NAT1: variants seen among roughly 807,000 people sequenced by gnomAD.
NAT1 encodes N-acetyltransferase 1.
For missense variants in NAT1, 400 were observed against 339.2 expected (o/e 1.18, Z -1.41); for synonymous variants, 144 against 122.6 (o/e 1.17, Z -1.16).
chr8:18,173,889 G>A (rs1367206343), intron 2 of NAT1, among the ~76,000 whole-genome samples: 1 of 152,024 alleles, frequency 6.6e-6, no homozygotes, highest in Non-Finnish European at 1.5e-5. Context: ...CCATATTATA[G>A]TTATAGTTTC....
intron 2 of NAT1, among the ~76,000 whole-genome samples, chr8:18,193,464 A>C (rs1803099417): frequency 6.9e-6 from 1 of 145,222 alleles, no homozygotes; most frequent in Non-Finnish European, 1.5e-5. Context: ...CTAAAAAAAA[A>C]AATTTATATA....
chr8:18,197,382 T>C (rs1370525321), intron 2 of NAT1, among the ~76,000 whole-genome samples: 1 of 152,198 alleles, frequency 6.6e-6, no homozygotes, highest in Non-Finnish European at 1.5e-5. Context: ...GTAGGCTTCT[T>C]GGTCTAATTC....
intron 1 of NAT1, chr8:18,212,909 G>C (rs918940096): frequency 3.5e-5 from 5 of 143,844 alleles, no homozygotes; most frequent in Non-Finnish European, 4.6e-5. Flanking sequence ...AACCAATAGG[G>C]TTTTTTTTTT....
intron 2 of NAT1, among the ~76,000 whole-genome samples, chr8:18,175,226 AAAAATCT>A (rs1485546574): frequency 2.0e-5 from 3 of 152,010 alleles, no homozygotes; most frequent in African/African-American, 7.2e-5. Context: ...TGAGAATGTT[AAAAATCT>A]ATTCTTTTTA....
intron 2 of NAT1, among the ~76,000 whole-genome samples, chr8:18,175,677 G>C (rs1392134648): frequency 1.3e-5 from 2 of 152,066 alleles, no homozygotes; most frequent in African/African-American, 4.8e-5. Context: ...ATGAACATGG[G>C]AGTACAGACA....
chr8:18,173,536 G>A (rs956039753), intron 2 of NAT1, among the ~76,000 whole-genome samples: 13 of 152,130 alleles, frequency 8.5e-5, no homozygotes, highest in South Asian at 2.1e-4. Context: ...AACTGGGATG[G>A]CAATTGCAGA....
intron 2 of NAT1, among the ~76,000 whole-genome samples, chr8:18,173,397 A>G (rs111247663): frequency 1.2e-4 from 18 of 152,238 alleles, no homozygotes; most frequent in African/African-American, 4.1e-4. Flanking sequence ...ATGTTCTTTT[A>G]TCATCCTGTT....
At chr8:18,181,721 A>G (rs992294645) in intron 2 of NAT1, among the ~76,000 whole-genome samples, 5 of 152,116 alleles carry the variant, frequency 3.3e-5, no homozygotes, top group South Asian at 4.1e-4. Flanking sequence ...GTTGTCATAT[A>G]TAGCCTTTAT....
intron 1 of NAT1, among the ~76,000 whole-genome samples, chr8:18,213,685 T>G (rs1227666717): frequency 6.6e-6 from 1 of 152,174 alleles, no homozygotes; most frequent in Non-Finnish European, 1.5e-5. Flanking sequence ...TTGCTATCTG[T>G]TCTAATAAAC....
intron 1 of NAT1, 72 bp from the exon 2 acceptor site, chr8:18,219,339 C>T: frequency 9.8e-7 from 1 of 1,022,094 alleles, no homozygotes; most frequent in East Asian, 2.6e-5. Flanking sequence ...AATTTACGGT[C>T]TACAAAACTA....
chr8:18,215,662 G>A (rs1207591030), intron 1 of NAT1, among the ~76,000 whole-genome samples: 1 of 151,580 alleles, frequency 6.6e-6, no homozygotes, highest in South Asian at 2.1e-4. Flanking sequence ...ATTGGTTGTG[G>A]TTTTTTTGTA....
At chr8:18,194,691 G>T (rs1243312386) in intron 2 of NAT1, among the ~76,000 whole-genome samples, 1 of 151,866 alleles carries the variant, frequency 6.6e-6, no homozygotes, top group African/African-American at 2.4e-5. Context: ...ATGGTGGCAG[G>T]TACCTGCAAT....
chr8:18,220,020 C>A (rs1327542524), intron 2 of NAT1, among the ~76,000 whole-genome samples: 6 of 152,074 alleles, frequency 3.9e-5, no homozygotes, highest in Non-Finnish European at 8.8e-5. Flanking sequence ...AATCAAATAT[C>A]CAGGTATGTA....
At chr8:18,191,933 G>C (rs1022499941) in intron 2 of NAT1, among the ~76,000 whole-genome samples, 1 of 152,100 alleles carries the variant, frequency 6.6e-6, no homozygotes, top group Non-Finnish European at 1.5e-5. Context: ...GCATGGGCAA[G>C]GACTTCATGT....
intron 2 of NAT1, among the ~76,000 whole-genome samples, chr8:18,197,478 G>C (rs980749442): frequency 1.3e-5 from 2 of 152,174 alleles, no homozygotes; most frequent in Non-Finnish European, 2.9e-5. Flanking sequence ...CCACTAGGTA[G>C]TGCTATTGGC....
chr8:18,171,193 A>G (rs1378667803), intron 2 of NAT1, among the ~76,000 whole-genome samples: 2 of 152,216 alleles, frequency 1.3e-5, no homozygotes, highest in South Asian at 2.1e-4. Context: ...GTAGATAGGT[A>G]GAGTTAGCCT....
intron 1 of NAT1, among the ~76,000 whole-genome samples, chr8:18,218,771 A>ACTAGCT (rs1233040659): frequency 1.3e-5 from 2 of 152,108 alleles, no homozygotes; most frequent in East Asian, 3.9e-4. Flanking sequence ...TGACCCACTT[A>ACTAGCT]CTAGCTTGAC....
At chr8:18,182,468 A>T (rs1213455932) in intron 2 of NAT1, among the ~76,000 whole-genome samples, 1 of 152,178 alleles carries the variant, frequency 6.6e-6, no homozygotes, top group Non-Finnish European at 1.5e-5. Flanking sequence ...TTAGGTCTAC[A>T]ATCCACCTAG....
At chr8:18,200,824 G>C (rs1039037447) in intron 2 of NAT1, 3 of 151,960 alleles carry the variant, frequency 2.0e-5, no homozygotes, top group Non-Finnish European at 4.4e-5. Flanking sequence ...TCACCTAGGA[G>C]AACCGCAGAG....
Sources: gnomAD v4.1 joint callset for allele counts (sites outside exome capture counted in the v4.1 genomes callset) on GRCh38, gnomAD v4.1.1 for gene constraint, MANE v1.5 for transcripts, NCBI Gene and HGNC (gene_info 2026-07-23, HGNC 2026-07-21) for gene names.